The following PSD3 variants were observed in gnomAD, a reference collection of about 807,000 sequenced individuals.
PSD3 encodes the protein pleckstrin and Sec7 domain containing 3.
A neutral mutation model predicts 105.5 loss-of-function variants in PSD3; 49 were observed. The observed-to-expected ratio is 0.46, with a 90% CI of 0.37 to 0.59. The LOEUF (loss-of-function observed/expected upper bound fraction) is 0.59, where lower values mean the gene tolerates loss of function less well. PSD3 is among the 20% of genes least tolerant of loss of function. The pLI is 0.00. For missense variants in PSD3, 1,561 were observed against 1,263.8 expected (o/e 1.24, Z -3.57); for synonymous variants, 557 against 457.8 (o/e 1.22, Z -2.77).
intron 9 of PSD3, among the ~76,000 whole-genome samples, chr8:18,674,277 G>C (rs970520624): frequency 1.3e-5 from 2 of 152,236 alleles, no homozygotes; most frequent in African/African-American, 4.8e-5. Flanking sequence ...CTCAGAGGTA[G>C]CCAGTGGCCC....
chr8:18,841,983 C>G (rs550257297), intron 4 of PSD3, among the ~76,000 whole-genome samples: 5 of 152,236 alleles, frequency 3.3e-5, no homozygotes, highest in African/African-American at 1.2e-4. Context: ...GAAACCCTGC[C>G]CACGTGTCAC....
chr8:18,886,235 T>A (rs957920811), intron 2 of PSD3, among the ~76,000 whole-genome samples: 6 of 152,006 alleles, frequency 3.9e-5, no homozygotes, highest in African/African-American at 1.5e-4. Flanking sequence ...GTAAGAATAA[T>A]ATTTTGCTTT....
intron 2 of PSD3, among the ~76,000 whole-genome samples, chr8:18,929,352 C>G (rs1375209390): frequency 6.6e-6 from 1 of 152,126 alleles, no homozygotes; most frequent in Non-Finnish European, 1.5e-5. Context: ...AGTAGAGCCA[C>G]AGAGAAGCTA....
At chr8:18,835,702 G>A (rs1415177028) in intron 4 of PSD3, among the ~76,000 whole-genome samples, 1 of 152,192 alleles carries the variant, frequency 6.6e-6, no homozygotes, top group Non-Finnish European at 1.5e-5. Flanking sequence ...ATGTGAAGTG[G>A]GAGAGCAGGG....
chr8:18,792,914 T>G (rs1249786096), intron 8 of PSD3, among the ~76,000 whole-genome samples: 1 of 152,144 alleles, frequency 6.6e-6, no homozygotes, highest in Non-Finnish European at 1.5e-5. Context: ...TAGCGAAGAC[T>G]TGGAACCAGT....
chr8:19,004,668 A>G (rs567312541), intron 1 of PSD3, among the ~76,000 whole-genome samples: 32 of 152,224 alleles, frequency 2.1e-4, no homozygotes, highest in African/African-American at 7.5e-4. Context: ...CAGATGGCCA[A>G]TGATATGGTT....
intron 1 of PSD3, among the ~76,000 whole-genome samples, chr8:19,033,250 T>A (rs911884191): frequency 2.6e-5 from 4 of 152,014 alleles, no homozygotes; most frequent in African/African-American, 7.3e-5. Flanking sequence ...ATTTTTTTTA[T>A]GTGAGATTTT....
intron 9 of PSD3, among the ~76,000 whole-genome samples, chr8:18,725,532 A>G (rs920343739): frequency 4.6e-5 from 7 of 151,934 alleles, no homozygotes; most frequent in African/African-American, 1.5e-4. Context: ...CTTTTCTATC[A>G]CCCTCCCACC....
intron 9 of PSD3, among the ~76,000 whole-genome samples, chr8:18,666,726 G>A (rs547206351): frequency 2.8e-4 from 41 of 147,484 alleles, no homozygotes; most frequent in African/African-American, 9.9e-4. Context: ...CTTTTTTTTG[G>A]GGGGTGGGGG....
intron 9 of PSD3, among the ~76,000 whole-genome samples, chr8:18,685,017 A>C (rs140766868): frequency 9.9e-5 from 15 of 152,252 alleles, no homozygotes; most frequent in African/African-American, 3.6e-4. Context: ...GCTCAGCCAC[A>C]TAAGCGTGTT....
intron 9 of PSD3, among the ~76,000 whole-genome samples, chr8:18,749,946 A>G (rs1805336831): frequency 6.6e-6 from 1 of 152,192 alleles, no homozygotes; most frequent in Non-Finnish European, 1.5e-5. Flanking sequence ...GCCTCCAGAA[A>G]TAGACACAGT....
At chr8:18,706,056 T>A (rs1236567690) in intron 9 of PSD3, among the ~76,000 whole-genome samples, 2 of 152,116 alleles carry the variant, frequency 1.3e-5, no homozygotes, top group African/African-American at 2.4e-5. Context: ...CAGCTTTAAA[T>A]GCACTGTATA....
At chr8:18,981,143 T>G (rs1017083770) in intron 1 of PSD3, among the ~76,000 whole-genome samples, 2 of 152,166 alleles carry the variant, frequency 1.3e-5, no homozygotes, top group African/African-American at 4.8e-5. Flanking sequence ...GCACCTAGGC[T>G]GTAACATAAG....
chr8:18,647,707 C>A (rs539235458), intron 10 of PSD3, among the ~76,000 whole-genome samples: 25 of 143,916 alleles, frequency 1.7e-4, no homozygotes, highest in South Asian at 1.3e-3. Flanking sequence ...GGATCTGTGT[C>A]CCCGCTCAAA....
intron 4 of PSD3, among the ~76,000 whole-genome samples, chr8:18,815,966 C>T (rs1415895405): frequency 6.6e-6 from 1 of 152,056 alleles, no homozygotes; most frequent in South Asian, 2.1e-4. Flanking sequence ...AGAATTAGTA[C>T]CCTGGCAAGA....
In PSD3 at chr8:18,963,033, A is replaced by G. The variant is rs559246539; in HGVS notation, c.22-26891T>C. 2.6e-5 allele frequency among the ~76,000 whole-genome samples: 4 copies of G among 152,320 alleles called. No homozygotes were observed. The South Asian group carries it at 8.3e-4, about 32-fold the overall frequency. ...GGTTTAATTGGACTTAAAGTTCCAC[A>G]TGGCTGGGGAGGTCTCAGAATCATG... On this transcript the variant is annotated intron_variant, in intron 1 of 15. Transcript: ENST00000327040.
intron 8 of PSD3, among the ~76,000 whole-genome samples, chr8:18,772,433 G>C (rs1807626876): frequency 6.6e-6 from 1 of 152,106 alleles, no homozygotes; most frequent in Admixed American, 6.5e-5. Flanking sequence ...GGTATCAGGT[G>C]ATACCCAACT....
At chr8:18,592,448 C>T (rs1803680904) in intron 12 of PSD3, among the ~76,000 whole-genome samples, 1 of 152,126 alleles carries the variant, frequency 6.6e-6, no homozygotes, top group Non-Finnish European at 1.5e-5. Context: ...GGGCACAAAG[C>T]TTATTTACCG....
intron 1 of PSD3, among the ~76,000 whole-genome samples, chr8:19,003,929 T>C (rs1826533309): frequency 6.6e-6 from 1 of 151,976 alleles, no homozygotes; most frequent in Non-Finnish European, 1.5e-5. Context: ...GTCATCATTA[T>C]TACCAGGTGA....
Sources: allele counts gnomAD v4.1 joint callset (sites outside exome capture counted in the v4.1 genomes callset), GRCh38; gene constraint gnomAD v4.1.1; transcripts MANE v1.5; gene names NCBI Gene and HGNC (gene_info 2026-07-23, HGNC 2026-07-21).